Variants in SLCO5A1 observed in about 807,000 individuals in gnomAD.
The protein encoded by SLCO5A1 is solute carrier organic anion transporter family member 5A1, also known as organic anion transporter polypeptide-related protein 4.
Under a neutral mutation model 65.1 loss-of-function variants are expected in SLCO5A1, and 39 were observed. The ratio of observed to expected loss-of-function variants is 0.60; its 90% CI spans 0.46 to 0.78. The LOEUF (loss-of-function observed/expected upper bound fraction) is 0.78. Among genes scored for constraint, SLCO5A1 ranks in the 30% least tolerant of loss-of-function variants. SLCO5A1 has a pLI of 0.00. For missense variants in SLCO5A1, 1,029 were observed against 1,069.4 expected (o/e 0.96, Z 0.53); for synonymous variants, 438 against 415.7 (o/e 1.05, Z -0.65).
At chr8:69,730,915 T>C (rs556650811) in intron 5 of SLCO5A1, among the ~76,000 whole-genome samples, 1 of 152,106 alleles carries the variant, frequency 6.6e-6, no homozygotes, top group African/African-American at 2.4e-5. Flanking sequence ...TATTCAAGCA[T>C]GTGAGATGGC....
Position 69,669,847 on chromosome 8 carries a change from G to A in SLCO5A1, c.*3022C>T, listed in dbSNP as rs1212486413. The stretch of plus-strand genomic sequence containing the variant: ...AAAAAAAGAATCAAATCTTTGCAAG[G>A]TAATTAAGAGGATCAAAATGAATGA... On this transcript the variant is annotated 3_prime_UTR_variant, in exon 10 of 10. Transcript: ENST00000260126. The A allele has an allele frequency of 6.6e-6, 1 of 151,488 alleles. No individual in the cohort carries two copies. The highest frequency in any genetic ancestry group is 1.5e-5 in the Non-Finnish European group (1 of 67,902). 9.4% of individuals were successfully genotyped at this position (151,488 alleles called of 1,614,324 possible).
chr8:69,789,102 A>G (rs1819157999), intron 2 of SLCO5A1, among the ~76,000 whole-genome samples: 1 of 152,180 alleles, frequency 6.6e-6, no homozygotes, highest in Non-Finnish European at 1.5e-5. Flanking sequence ...ATCCCCCAAG[A>G]AACAGAACGC....
At chr8:69,748,952 A>G (rs1444552241) in intron 4 of SLCO5A1, among the ~76,000 whole-genome samples, 1 of 152,184 alleles carries the variant, frequency 6.6e-6, no homozygotes, top group Non-Finnish European at 1.5e-5. Flanking sequence ...GCACTGAGCA[A>G]CCATCCTATG....
At chr8:69,784,903 A>AAAGG (rs1563723030) in intron 2 of SLCO5A1, among the ~76,000 whole-genome samples, 5 of 56,232 alleles carry the variant, frequency 8.9e-5, no homozygotes, top group African/African-American at 5.6e-4. Context: ...AGGAAGAAAG[A>AAAGG]AAGAAAGAAA....
At chr8:69,815,713 A>T (rs1820378594) in intron 2 of SLCO5A1, among the ~76,000 whole-genome samples, 1 of 150,376 alleles carries the variant, frequency 6.6e-6, no homozygotes, top group African/African-American at 2.4e-5. Flanking sequence ...TCCCTCTTCA[A>T]GGATTACAGT....
chr8:69,727,601 G>T (rs186445805), intron 5 of SLCO5A1, among the ~76,000 whole-genome samples: 1 of 152,254 alleles, frequency 6.6e-6, no homozygotes, highest in Non-Finnish European at 1.5e-5. Flanking sequence ...TGCATGGAAG[G>T]CACCTCGCTA....
intron 8 of SLCO5A1, among the ~76,000 whole-genome samples, chr8:69,677,683 C>A (rs1813605435): frequency 6.6e-6 from 1 of 152,180 alleles, no homozygotes; most frequent in Non-Finnish European, 1.5e-5. Flanking sequence ...GCCTTTCATG[C>A]ACTACTATCT....
Position 69,676,650 on chromosome 8 carries a change from G to A in SLCO5A1, c.2048C>T (p.Pro683Leu). ...AACAAACTGCATTCCCAGTGCAAAA[G>A]GTCTCTCCTCATCTTCTACGGACCT... ...TLRSVEDEER[P>L]FALGMQFVLL... Residue 683 changes from proline to leucine, a missense_variant, in exon 9 of 10, where the codon CCT becomes CTT. This residue lies in a region of SLCO5A1 where 258 missense variants were observed against 237.4 expected (regional missense o/e 1.09). Coordinates refer to ENST00000260126, the MANE Select transcript of SLCO5A1 (RefSeq NM_030958.3). 6.2e-7 allele frequency: 1 copy of A among 1,612,146 alleles called. No individual in the cohort carries two copies.
chr8:69,715,050 C>G (rs925087356), intron 5 of SLCO5A1: 1 of 152,196 alleles, frequency 6.6e-6, no homozygotes, highest in South Asian at 2.1e-4. Flanking sequence ...ATTCAAAAAT[C>G]AAATCAAATT....
intron 5 of SLCO5A1, among the ~76,000 whole-genome samples, chr8:69,711,093 G>A (rs115629041): frequency 1.9e-3 from 288 of 152,204 alleles, no homozygotes; most frequent in Middle Eastern, 0.01. Context: ...CTGCGAGTCA[G>A]TTTCTCCACC....
rs1253728205 is a variant in SLCO5A1, at chr8:69,792,985, G to GT, written c.908-31111dup. On this transcript the variant is annotated intron_variant, in intron 2 of 9. Transcript: ENST00000260126. ...TTGTTGTTTGGTTTTTTTGTTTTTT[G>GT]TTTTTTGTTTTGAGACGGAATCTCA... Among the ~76,000 whole-genome samples, 3 of 151,270 alleles carry GT rather than the reference G, an allele frequency of 2.0e-5. No homozygotes were observed. In the South Asian group the frequency reaches 6.3e-4, roughly 32 times the overall value.
At chr8:69,815,122 C>T (rs896705510) in intron 2 of SLCO5A1, among the ~76,000 whole-genome samples, 3 of 152,064 alleles carry the variant, frequency 2.0e-5, no homozygotes, top group African/African-American at 7.2e-5. Flanking sequence ...GAGTGTGGTA[C>T]ATTTCACAAT....
chr8:69,791,322 AG>A (rs1819258349), intron 2 of SLCO5A1, among the ~76,000 whole-genome samples: 1 of 152,238 alleles, frequency 6.6e-6, no homozygotes, highest in African/African-American at 2.4e-5. Flanking sequence ...CTGCAGGGAC[AG>A]AGAAACGTGA....
chr8:69,729,814 T>C (rs1432626859), intron 5 of SLCO5A1, among the ~76,000 whole-genome samples: 1 of 152,194 alleles, frequency 6.6e-6, no homozygotes, highest in Non-Finnish European at 1.5e-5. Flanking sequence ...TTTACTCCTA[T>C]GATCAAGATG....
intron 3 of SLCO5A1, chr8:69,761,463 C>T: frequency 3.0e-6 from 1 of 329,220 alleles, no homozygotes. Context: ...TCCGTCTTTC[C>T]TTTGATTACA....
intron 5 of SLCO5A1, among the ~76,000 whole-genome samples, chr8:69,718,953 T>C (rs1416750444): frequency 1.3e-5 from 2 of 152,078 alleles, no homozygotes; most frequent in Non-Finnish European, 2.9e-5. Context: ...CTGGATAAAG[T>C]CTCATTGACA....
intron 5 of SLCO5A1, among the ~76,000 whole-genome samples, chr8:69,711,908 A>T (rs2130817293): frequency 6.6e-6 from 1 of 152,260 alleles, no homozygotes; most frequent in African/African-American, 2.4e-5. Context: ...GCCTAATATT[A>T]TGAGTTTAAA....
At chr8:69,827,607 T>A (rs1227384817) in intron 2 of SLCO5A1, among the ~76,000 whole-genome samples, 1 of 152,198 alleles carries the variant, frequency 6.6e-6, no homozygotes, top group Non-Finnish European at 1.5e-5. Context: ...CTACCTGATT[T>A]TTTTCTTTCC....
chr8:69,804,700 C>T (rs1819915463), intron 2 of SLCO5A1, among the ~76,000 whole-genome samples: 1 of 152,050 alleles, frequency 6.6e-6, no homozygotes, highest in Admixed American at 6.6e-5. Context: ...CCAAGGAAAA[C>T]AAAGGGAAGG....
Sources: gnomAD v4.1 joint callset for allele counts (sites outside exome capture counted in the v4.1 genomes callset) on GRCh38, gnomAD v4.1.1 for gene constraint, gnomAD v4.1.1 regional missense constraint, MANE v1.5 for transcripts, NCBI Gene and HGNC (gene_info 2026-07-23, HGNC 2026-07-21) for gene names.